The following PHACTR1 variants were observed in gnomAD, a reference collection of about 807,000 sequenced individuals.
PHACTR1 encodes the protein RPEL repeat containing 1.
In PHACTR1, 16 loss-of-function variants were observed where a neutral mutation model predicts 69.2. The observed-to-expected ratio is 0.23, with a 90% CI of 0.16 to 0.35. PHACTR1 has a LOEUF of 0.35. PHACTR1 is among the 10% of genes least tolerant of loss of function. PHACTR1 has a pLI of 1.00. For synonymous variants in PHACTR1, 312 were observed against 284.5 expected, an observed-to-expected ratio of 1.10 and a Z score of -0.97; for missense variants, 510 against 734.7, an observed-to-expected ratio of 0.69 and a Z score of 3.54.
chr6:12,796,829 A>G (rs1291396936), intron 4 of PHACTR1, among the ~76,000 whole-genome samples: 1 of 152,190 alleles, frequency 6.6e-6, no homozygotes, highest in African/African-American at 2.4e-5. Context: ...GAAGTGCTGG[A>G]CACTTTTGTA....
At chr6:12,934,643 C>T (rs184436890) in intron 4 of PHACTR1, among the ~76,000 whole-genome samples, 5 of 152,154 alleles carry the variant, frequency 3.3e-5, no homozygotes, top group Non-Finnish European at 5.9e-5. Flanking sequence ...TGAGACTAGC[C>T]TGGCCAATAT....
intron 4 of PHACTR1, among the ~76,000 whole-genome samples, chr6:12,979,653 C>T (rs1023964300): frequency 6.6e-6 from 1 of 151,524 alleles, no homozygotes; most frequent in Non-Finnish European, 1.5e-5. Context: ...TTTAGAGAAA[C>T]GTTCCCTTTC....
chr6:12,960,055 G>GT (rs1020096752), intron 4 of PHACTR1, among the ~76,000 whole-genome samples: 19 of 152,036 alleles, frequency 1.2e-4, no homozygotes, highest in African/African-American at 3.6e-4. Flanking sequence ...AAAAGCTTCA[G>GT]TTTTTTTTAG....
chr6:12,972,730 C>A (rs1297136016), intron 4 of PHACTR1, among the ~76,000 whole-genome samples: 1 of 151,570 alleles, frequency 6.6e-6, no homozygotes, highest in Non-Finnish European at 1.5e-5. Context: ...CGGCTCACTG[C>A]AACCTCCACC....
At chr6:13,081,083 C>T (rs966606526) in intron 5 of PHACTR1, among the ~76,000 whole-genome samples, 5 of 152,040 alleles carry the variant, frequency 3.3e-5, no homozygotes, top group African/African-American at 9.7e-5. Flanking sequence ...TTTAAAACAC[C>T]GAGCATAAAA....
intron 11 of PHACTR1, chr6:13,276,008 T>A (rs1778814579): frequency 6.6e-6 from 1 of 152,104 alleles, no homozygotes. Context: ...GTCTGGGGGC[T>A]CCCTACTTCC....
intron 5 of PHACTR1, among the ~76,000 whole-genome samples, chr6:13,124,381 G>A (rs948535353): frequency 3.3e-5 from 5 of 152,140 alleles, no homozygotes; most frequent in African/African-American, 7.2e-5. Flanking sequence ...AACTATGTAT[G>A]TTCCCTATAA....
intron 4 of PHACTR1, among the ~76,000 whole-genome samples, chr6:12,883,541 A>G (rs1783321118): frequency 1.3e-5 from 2 of 151,266 alleles, no homozygotes; most frequent in Admixed American, 6.6e-5. Flanking sequence ...TTAAAGGTAG[A>G]AAGTCTGAAA....
At chr6:13,132,813 G>A (rs1365909192) in intron 5 of PHACTR1, among the ~76,000 whole-genome samples, 1 of 151,952 alleles carries the variant, frequency 6.6e-6, no homozygotes, top group Non-Finnish European at 1.5e-5. Flanking sequence ...ATTCTATGTT[G>A]ATGATTACTG....
chr6:12,841,392 T>C (rs1452255365), intron 4 of PHACTR1, among the ~76,000 whole-genome samples: 1 of 152,166 alleles, frequency 6.6e-6, no homozygotes, highest in Non-Finnish European at 1.5e-5. Flanking sequence ...GGCCACCAGC[T>C]TGAACCTGTT....
At chr6:12,860,787 A>G (rs534912455) in intron 4 of PHACTR1, among the ~76,000 whole-genome samples, 1 of 152,324 alleles carries the variant, frequency 6.6e-6, no homozygotes, top group East Asian at 1.9e-4. Flanking sequence ...TGGCCACATA[A>G]ATGTCTTCTT....
intron 4 of PHACTR1, among the ~76,000 whole-genome samples, chr6:12,905,811 T>C (rs940081887): frequency 5.3e-5 from 8 of 152,196 alleles, no homozygotes; most frequent in Non-Finnish European, 1.0e-4. Context: ...ACATTTAAGA[T>C]GATATTAGGA....
At chr6:13,284,582 A>ATATATATATATATATATATAGATACACG (rs1562129267) in intron 13 of PHACTR1, among the ~76,000 whole-genome samples, 1 of 140,172 alleles carries the variant, frequency 7.1e-6, no homozygotes, top group African/African-American at 2.8e-5. Flanking sequence ...ATACACGTAT[A>ATATATATATATATATATATAGATACACG]TATATATATA....
rs1769606059 is a variant in PHACTR1, at chr6:12,773,161, C to T, written c.250+23371C>T. ...ATTGGTGTTCAATGATTTCTGTTCA[C>T]ATTTTTCTGAAATAAAGTTTTGCAC... is the stretch of plus-strand genomic sequence containing the variant. On this transcript the variant is annotated intron_variant, in intron 4 of 14. Transcript: ENST00000332995. 2.6e-5 allele frequency among the ~76,000 whole-genome samples: 4 copies of T among 152,166 alleles called. 1 individual carries two copies. The highest frequency in any genetic ancestry group is 4.1e-4 in the South Asian group (2 of 4,828).
intron 4 of PHACTR1, among the ~76,000 whole-genome samples, chr6:12,882,735 A>T (rs1039263736): frequency 1.5e-4 from 23 of 152,152 alleles, no homozygotes; most frequent in Admixed American, 1.4e-3. Context: ...GTGGCTGTCT[A>T]CTCTGGAAAA....
intron 5 of PHACTR1, among the ~76,000 whole-genome samples, chr6:13,059,444 G>C (rs186637092): frequency 2.5e-4 from 36 of 143,110 alleles, no homozygotes; most frequent in Admixed American, 2.3e-3. Context: ...TAGATTTTAT[G>C]TTAAATGTTC....
chr6:12,984,690 T>A (rs977913297), intron 4 of PHACTR1, among the ~76,000 whole-genome samples: 3 of 152,244 alleles, frequency 2.0e-5, no homozygotes, highest in African/African-American at 7.2e-5. Context: ...GGATATTAGC[T>A]AAAACTAGTT....
At chr6:12,788,779 G>A (rs1771862291) in intron 4 of PHACTR1, among the ~76,000 whole-genome samples, 1 of 152,184 alleles carries the variant, frequency 6.6e-6, no homozygotes, top group African/African-American at 2.4e-5. Flanking sequence ...TAATAATTCT[G>A]GAGGGAGATA....
rs2044236993 is a variant in PHACTR1, at chr6:13,284,537, A to AAAT, written c.1650+977_1650+978insTAA. Reference sequence around the variant, plus strand: ...CATCTCAAAAAAAAAAAAAAAAAAAAAAAAAAATATATATATATATATATA... The same window carrying AAAT: ...CATCTCAAAAAAAAAAAAAAAAAAAAAATAAAAAAATATATATATATATATATA... On this transcript the variant is annotated intron_variant, in intron 13 of 14. Coordinates refer to ENST00000332995, the MANE Select transcript of PHACTR1 (RefSeq NM_030948.6). Among the ~76,000 whole-genome samples the AAAT allele has an allele frequency of 3.6e-5, 3 of 83,320 alleles. 1 individual carries two copies. Among genetic ancestry groups the AAAT allele is most frequent in the African/African-American group, 1.8e-4 (3 of 16,868 alleles). The allele number at this position is 83,320 out of a possible 152,430, so 54.7% of individuals were successfully genotyped here.
Sources: allele counts gnomAD v4.1 joint callset (sites outside exome capture counted in the v4.1 genomes callset), GRCh38; gene constraint gnomAD v4.1.1; transcripts MANE v1.5; gene names NCBI Gene and HGNC (gene_info 2026-07-23, HGNC 2026-07-21).